The following METTL25 variants were observed in gnomAD, a reference collection of about 807,000 sequenced individuals.
METTL25 encodes probable methyltransferase-like protein 25.
A neutral mutation model predicts 71.6 loss-of-function variants in METTL25; 64 were observed. That is an observed-to-expected ratio of 0.89 (90% confidence interval 0.73 to 1.10). The LOEUF (loss-of-function observed/expected upper bound fraction) is 1.10, where lower values mean the gene tolerates loss of function less well. Among genes scored for constraint, METTL25 ranks in the 50% least tolerant of loss-of-function variants. The pLI is 0.00. For synonymous variants in METTL25, 287 were observed against 250.3 expected, an observed-to-expected ratio of 1.15 and a Z score of -1.38; for missense variants, 807 against 707.0, an observed-to-expected ratio of 1.14 and a Z score of -1.60.
chr12:82,456,793 A>T lies in METTL25; in HGVS notation c.1545A>T (p.Leu515=), dbSNP rs1197956711. 6.2e-7 allele frequency: 1 copy of T among 1,601,016 alleles called. No individual in the cohort carries two copies. Among genetic ancestry groups the T allele is most frequent in the South Asian group, 1.1e-5 (1 of 89,068 alleles). The change falls in exon 9 of 12, where the codon CTA becomes CTT. Residue 515 remains leucine, a synonymous_variant. Coordinates refer to ENST00000248306, the MANE Select transcript of METTL25 (RefSeq NM_032230.3). ...SSFLDYVRRS[L]KKLGLDESKL... ...TTCTGGATTATGTCAGACGGTCTCT[A>T]AAGAAGCTTGGATTAGATGAGTCCA...
At chr12:82,439,607 C>CA (rs1298428216) in intron 8 of METTL25, among the ~76,000 whole-genome samples, 3 of 151,790 alleles carry the variant, frequency 2.0e-5, no homozygotes, top group Non-Finnish European at 4.4e-5. Context: ...TTACTACATA[C>CA]AAGTACCTAC....
At chr12:82,450,946 A>G (rs1023282492) in intron 8 of METTL25, among the ~76,000 whole-genome samples, 3 of 151,766 alleles carry the variant, frequency 2.0e-5, no homozygotes, top group African/African-American at 7.3e-5. Context: ...CTCCTCTATC[A>G]CCAGGTTTTC....
chr12:82,363,721 A>C lies in METTL25; in HGVS notation c.259+4897A>C, dbSNP rs534884884. 3.4e-5 allele frequency among the ~76,000 whole-genome samples: 4 copies of C among 117,560 alleles called. No individual in the cohort carries two copies. The East Asian group carries it at 1.0e-3, about 30-fold the overall frequency. 77.1% of individuals were successfully genotyped at this position (117,560 alleles called of 152,430 possible). A position where few individuals can be genotyped will look rare whatever the true frequency, so the allele number is the denominator to read the frequency against. ...CCATTCCATTTTTCAACTAAAAAAA[A>C]CTAGATGTTTAAAAAAAAAAAAAAG... On this transcript the variant is annotated intron_variant, in intron 1 of 11. Coordinates refer to ENST00000248306, the MANE Select transcript of METTL25 (RefSeq NM_032230.3).
chr12:82,441,289 A>G (rs921350988), intron 8 of METTL25, among the ~76,000 whole-genome samples: 6 of 33,886 alleles, frequency 1.8e-4, no homozygotes, highest in Admixed American at 1.3e-3. Flanking sequence ...TATCACTAAC[A>G]TCTTATATAT....
intron 9 of METTL25, among the ~76,000 whole-genome samples, chr12:82,473,325 C>T (rs976445304): frequency 6.6e-6 from 1 of 151,994 alleles, no homozygotes; most frequent in Admixed American, 6.6e-5. Context: ...GAGCTGCCCA[C>T]AGGGATGTTT....
chr12:82,447,315 T>C (rs1890829193), intron 8 of METTL25, among the ~76,000 whole-genome samples: 1 of 152,122 alleles, frequency 6.6e-6, no homozygotes, highest in South Asian at 2.1e-4. Flanking sequence ...GCAGCAATGT[T>C]TATAAAAGCA....
intron 6 of METTL25, among the ~76,000 whole-genome samples, chr12:82,431,213 A>G (rs1341546389): frequency 1.3e-5 from 2 of 151,372 alleles, no homozygotes; most frequent in African/African-American, 4.8e-5. Flanking sequence ...AATAAAATAT[A>G]ATGTAAAGTG....
At chr12:82,443,445 A>G (rs1890501323) in intron 8 of METTL25, among the ~76,000 whole-genome samples, 1 of 141,764 alleles carries the variant, frequency 7.1e-6, no homozygotes, top group South Asian at 2.4e-4. Flanking sequence ...ATCTGAAAAT[A>G]CATTGTCAGA....
intron 1 of METTL25, among the ~76,000 whole-genome samples, chr12:82,371,830 C>G (rs10862481): frequency 0.92 from 140,635 of 152,138 alleles, 65,321 homozygotes; most frequent in East Asian, 1. Flanking sequence ...TCCCTTCCCT[C>G]AGTTATGGTG....
chr12:82,429,806 G>A (rs1183057420), intron 5 of METTL25, among the ~76,000 whole-genome samples: 1 of 151,288 alleles, frequency 6.6e-6, no homozygotes, highest in Admixed American at 6.6e-5. Context: ...TTGTTTATTT[G>A]TATTATTATT....
chr12:82,422,543 C>T (rs1346013376), intron 5 of METTL25, among the ~76,000 whole-genome samples: 1 of 152,060 alleles, frequency 6.6e-6, no homozygotes, highest in Non-Finnish European at 1.5e-5. Flanking sequence ...AAGTTCTGGC[C>T]AGGGCAATTA....
At chr12:82,378,382 G>T (rs1295137666) in intron 1 of METTL25, among the ~76,000 whole-genome samples, 1 of 152,120 alleles carries the variant, frequency 6.6e-6, no homozygotes. Context: ...AAGTAGTAAA[G>T]AACAAGATCT....
In METTL25 at chr12:82,477,358, T is replaced by C. The variant is rs758169369; in HGVS notation, c.1719+6T>C. 8.9e-6 allele frequency: 13 copies of C among 1,456,828 alleles called. No individual in the cohort carries two copies. The highest frequency in any genetic ancestry group is 1.8e-4 in the Middle Eastern group (1 of 5,636). 90.2% of individuals were successfully genotyped at this position (1,456,828 alleles called of 1,614,324 possible). On this transcript the variant is annotated splice_donor_region_variant and intron_variant, in intron 11 of 11. Transcript: ENST00000248306. ...TTTGTTACCTGAAAGAGCAGGTAAA[T>C]TATGTTATTTTAAAATACACAACAA...
chr12:82,359,041 C>T (rs1320393291), intron 1 of METTL25: 4 of 603,588 alleles, frequency 6.6e-6, no homozygotes, highest in Non-Finnish European at 1.2e-5. Context: ...TGTGTATGTC[C>T]ACAATTTAAA....
At chr12:82,410,242 T>C (rs1887449472) in intron 5 of METTL25, among the ~76,000 whole-genome samples, 1 of 152,126 alleles carries the variant, frequency 6.6e-6, no homozygotes, top group African/African-American at 2.4e-5. Context: ...AACCAGTTAA[T>C]ATCAGCACTA....
At chr12:82,474,885 A>C (rs919486837) in intron 9 of METTL25, among the ~76,000 whole-genome samples, 1 of 152,232 alleles carries the variant, frequency 6.6e-6, no homozygotes. Flanking sequence ...TAAACTATGT[A>C]TATTACAAAG....
chr12:82,360,467 G>A (rs1396020080), intron 1 of METTL25, among the ~76,000 whole-genome samples: 1 of 151,452 alleles, frequency 6.6e-6, no homozygotes, highest in East Asian at 1.9e-4. Context: ...TTTTAGTGCT[G>A]TAAGAAAAAA....
At chr12:82,427,390 A>G (rs1889115832) in intron 5 of METTL25, among the ~76,000 whole-genome samples, 1 of 151,956 alleles carries the variant, frequency 6.6e-6, no homozygotes, top group African/African-American at 2.4e-5. Flanking sequence ...ATACTTGGCT[A>G]TGGGTTTCTT....
At position 82,431,488 on chromosome 12, in the gene METTL25, A is replaced by T. The variant is rs560453730; in HGVS notation, c.1374+501A>T. ...GTAAGTGATTTTTGTGTTATCAGAAAATTAAAATACTGCAGCTATGTAGAA... is the reference window on the plus strand; with the variant it reads ...GTAAGTGATTTTTGTGTTATCAGAATATTAAAATACTGCAGCTATGTAGAA... On this transcript the variant is annotated intron_variant, in intron 6 of 11. Transcript: ENST00000248306. Among the ~76,000 whole-genome samples, 29 of 151,726 alleles carry T rather than the reference A, an allele frequency of 1.9e-4. No individual in the cohort carries two copies. The South Asian group carries it at 5.8e-3, about 30-fold the overall frequency.
Sources: allele counts gnomAD v4.1 joint callset (sites outside exome capture counted in the v4.1 genomes callset), GRCh38; gene constraint gnomAD v4.1.1; transcripts MANE v1.5; gene names NCBI Gene and HGNC (gene_info 2026-07-23, HGNC 2026-07-21).